PIK3CA: variants seen among roughly 807,000 people sequenced by gnomAD.
PIK3CA encodes the protein phosphatidylinositol-4,5-bisphosphate 3-kinase catalytic subunit alpha.
In PIK3CA, 27 loss-of-function variants were observed where a neutral mutation model predicts 138.2. That is an observed-to-expected ratio of 0.20 (90% CI 0.14 to 0.27). PIK3CA has a LOEUF of 0.27. PIK3CA is among the 10% of genes least tolerant of loss of function. PIK3CA has a pLI of 1.00. For missense variants in PIK3CA, 544 were observed against 1,277.4 expected, an observed-to-expected ratio of 0.43 and a Z score of 8.75; for synonymous variants, 358 against 413.2, an observed-to-expected ratio of 0.87 and a Z score of 1.62.
chr3:179,185,220 A>AG (rs1214392203), intron 1 of PIK3CA, among the ~76,000 whole-genome samples: 2 of 152,210 alleles, frequency 1.3e-5, no homozygotes, highest in Non-Finnish European at 2.9e-5. Context: ...GATAAACTTC[A>AG]GGGGGGAGAA....
chr3:179,180,946 C>A (rs1723826657), intron 1 of PIK3CA, among the ~76,000 whole-genome samples: 1 of 152,044 alleles, frequency 6.6e-6, no homozygotes, highest in Non-Finnish European at 1.5e-5. Context: ...AGAATGTTCT[C>A]TGTGTATTAA....
intron 1 of PIK3CA, among the ~76,000 whole-genome samples, chr3:179,195,436 A>G (rs1488585049): frequency 2.0e-5 from 3 of 152,188 alleles, no homozygotes; most frequent in East Asian, 3.8e-4. Flanking sequence ...TTTTTCATAT[A>G]TCACTTCATC....
chr3:179,233,976 C>G (rs995332245), intron 20 of PIK3CA, 118 bp from the exon 21 acceptor site: 5 of 651,438 alleles, frequency 7.7e-6, no homozygotes, highest in Non-Finnish European at 1.3e-5. Context: ...GAGAGGAATG[C>G]TATTTTTTTA....
At chr3:179,152,971 C>G (rs1355902760) in intron 1 of PIK3CA, among the ~76,000 whole-genome samples, 1 of 151,842 alleles carries the variant, frequency 6.6e-6, no homozygotes, top group Non-Finnish European at 1.5e-5. Flanking sequence ...TACACTGTCT[C>G]CAAAGATAAG....
intron 9 of PIK3CA, among the ~76,000 whole-genome samples, chr3:179,211,418 C>A (rs1251959320): frequency 6.6e-6 from 1 of 152,134 alleles, no homozygotes; most frequent in Non-Finnish European, 1.5e-5. Context: ...TGCCTGTAAT[C>A]CCAGCACTTT....
At chr3:179,172,930 A>G (rs567807284) in intron 1 of PIK3CA, among the ~76,000 whole-genome samples, 8 of 152,312 alleles carry the variant, frequency 5.3e-5, no homozygotes, top group African/African-American at 1.2e-4. Flanking sequence ...AGCTACAATA[A>G]TCAAAATAGT....
intron 9 of PIK3CA, among the ~76,000 whole-genome samples, chr3:179,210,963 A>G (rs963246890): frequency 2.0e-5 from 3 of 152,246 alleles, no homozygotes; most frequent in Non-Finnish European, 2.9e-5. Flanking sequence ...ACACTGGTCT[A>G]CTTATATGTG....
chr3:179,151,663 G>A (rs866285124), intron 1 of PIK3CA, among the ~76,000 whole-genome samples: 1 of 152,122 alleles, frequency 6.6e-6, no homozygotes. Flanking sequence ...TGTATATTTG[G>A]TCCTTGCTTC....
chr3:179,218,438 A>G, intron 10 of PIK3CA, 104 bp downstream of exon 10: 1 of 813,152 alleles, frequency 1.2e-6, no homozygotes, highest in South Asian at 2.7e-5. Context: ...ATTGGAATAA[A>G]TAAAGCAGAA....
At position 179,219,475 on chromosome 3, in the gene PIK3CA, T is replaced by C. The variant is rs1010134331; in HGVS notation, c.1747-96T>C. On this transcript the variant is annotated intron_variant, in intron 11 of 20. Coordinates refer to ENST00000263967, the MANE Select transcript of PIK3CA (RefSeq NM_006218.4). This position sits in a 1 kb window ranked among gnomAD's most constrained non-coding sequence, Gnocchi z 4.2. ...TTCTAAGGAGATTATTTATCTAAAC[T>C]AATTTTAAAATCAGAAGTTAAGGCA... is the stretch of plus-strand genomic sequence containing the variant. 1 of 674,704 alleles carries C rather than the reference T, an allele frequency of 1.5e-6. No individual in the cohort carries two copies. Among genetic ancestry groups the C allele is most frequent in the African/African-American group, 1.8e-5 (1 of 54,916 alleles). 41.8% of individuals were successfully genotyped at this position (674,704 alleles called of 1,614,324 possible).
intron 1 of PIK3CA, among the ~76,000 whole-genome samples, chr3:179,158,412 G>A (rs759319582): frequency 1.1e-4 from 17 of 151,962 alleles, no homozygotes; most frequent in Non-Finnish European, 2.2e-4. Flanking sequence ...TGGAATCTTC[G>A]AATTCCCAGC....
At chr3:179,180,818 A>G (rs1417700603) in intron 1 of PIK3CA, among the ~76,000 whole-genome samples, 1 of 152,180 alleles carries the variant, frequency 6.6e-6, no homozygotes, top group African/African-American at 2.4e-5. Context: ...AAATAATAAC[A>G]TCAGTATTTC....
intron 1 of PIK3CA, among the ~76,000 whole-genome samples, chr3:179,183,350 A>G (rs1225036910): frequency 1.3e-5 from 2 of 152,204 alleles, no homozygotes; most frequent in African/African-American, 4.8e-5. Context: ...TCTTTCATCC[A>G]ATGTCGTAAC....
chr3:179,190,411 T>A (rs1724099320), intron 1 of PIK3CA, among the ~76,000 whole-genome samples: 2 of 148,790 alleles, frequency 1.3e-5, no homozygotes, highest in Admixed American at 6.8e-5. Flanking sequence ...TATGTTGAGG[T>A]ACAGTTATAG....
At chr3:179,229,978 AC>A in intron 18 of PIK3CA, 25 bp from the exon 19 acceptor site, 1 of 1,418,192 alleles carries the variant, frequency 7.1e-7, no homozygotes, top group Non-Finnish European at 9.9e-7. Flanking sequence ...TTTCCATACT[AC>A]TCATGAGGTG....
chr3:179,221,685 T>TACA (rs1407622335), intron 14 of PIK3CA, among the ~76,000 whole-genome samples: 1 of 141,774 alleles, frequency 7.1e-6, no homozygotes, highest in Non-Finnish European at 1.5e-5. Flanking sequence ...GAGTAGGAAA[T>TACA]ACAATGTAAA....
At chr3:179,231,915 T>G (rs986850554) in intron 20 of PIK3CA, among the ~76,000 whole-genome samples, 4 of 152,128 alleles carry the variant, frequency 2.6e-5, no homozygotes, top group Admixed American at 6.6e-5. Flanking sequence ...AGTGCTGGGA[T>G]TACAGGCTTG....
chr3:179,219,088 G>T lies in PIK3CA; in HGVS notation c.1665-108G>T, dbSNP rs549079723. ...TTTGAATTTTAAAAAAGCTAGTAAT[G>T]TAAGAAGTTTGGGACTTCTTAAGAA... On this transcript the variant is annotated intron_variant, in intron 10 of 20. Coordinates refer to ENST00000263967, the MANE Select transcript of PIK3CA (RefSeq NM_006218.4). This position sits in a 1 kb window ranked among gnomAD's most constrained non-coding sequence, Gnocchi z 4.2. The T allele has an allele frequency of 1.8e-5, 11 of 610,994 alleles. No individual in the cohort carries two copies. The East Asian group carries it at 2.5e-4, about 14-fold the overall frequency. 37.8% of individuals were successfully genotyped at this position (610,994 alleles called of 1,614,324 possible).
At chr3:179,210,402 T>A (rs202100129) in intron 8 of PIK3CA, 29 bp from the exon 9 acceptor site, 12 of 1,607,182 alleles carry the variant, frequency 7.5e-6, no homozygotes, top group Non-Finnish European at 1.0e-5. Flanking sequence ...CTCTTATGTA[T>A]ATATAATAGC....
Sources: gnomAD v4.1 joint callset for allele counts (sites outside exome capture counted in the v4.1 genomes callset) on GRCh38, gnomAD v4.1.1 for gene constraint, Gnocchi (gnomAD v3.1) non-coding constraint, MANE v1.5 for transcripts, NCBI Gene and HGNC (gene_info 2026-07-23, HGNC 2026-07-21) for gene names.